The following MBOAT1 variants were observed in gnomAD, a reference collection of about 807,000 sequenced individuals.
The protein encoded by MBOAT1 is membrane-bound glycerophospholipid O-acyltransferase 1.
Under a neutral mutation model 64.4 loss-of-function variants are expected in MBOAT1, and 67 were observed. That is an observed-to-expected ratio of 1.04 (90% CI 0.85 to 1.27). The LOEUF is 1.27. Ranked by LOEUF, MBOAT1 falls within the 50% of genes most tolerant of loss-of-function variation. MBOAT1 has a pLI of 0.00. For missense variants in MBOAT1, 563 were observed against 604.6 expected (o/e 0.93, Z 0.72); for synonymous variants, 229 against 218.9 (o/e 1.05, Z -0.41).
At chr6:20,108,919 C>G (rs1481752208) in intron 12 of MBOAT1, among the ~76,000 whole-genome samples, 1 of 152,230 alleles carries the variant, frequency 6.6e-6, no homozygotes, top group African/African-American at 2.4e-5. Flanking sequence ...ACAATCAGTT[C>G]ACAAGAGCAT....
At chr6:20,155,890 TC>T (rs1761661460) in intron 1 of MBOAT1, among the ~76,000 whole-genome samples, 1 of 152,178 alleles carries the variant, frequency 6.6e-6, no homozygotes, top group Admixed American at 6.5e-5. Flanking sequence ...ATAAAAGTTT[TC>T]CCCAATCCCT....
At chr6:20,111,080 C>T (rs1561745854) in intron 11 of MBOAT1, among the ~76,000 whole-genome samples, 1 of 152,152 alleles carries the variant, frequency 6.6e-6, no homozygotes, top group South Asian at 2.1e-4. Flanking sequence ...TCCCGTTTTA[C>T]AGATAAATAA....
Position 20,212,344 on chromosome 6 carries a change from C to A in MBOAT1, c.-110G>T. ...GTTGCCCCGAGAGGCGCACGGCCGC[C>A]TGGTTCGCGGGGGAGCGAACGGGAG... On this transcript the variant is annotated 5_prime_UTR_variant, in exon 1 of 13. In the 5' UTR this introduces an upstream ATG that the reference lacks. Coordinates refer to ENST00000324607, the MANE Select transcript of MBOAT1 (RefSeq NM_001080480.3). 1 of 994,978 alleles carries A rather than the reference C, an allele frequency of 1.0e-6. No individual in the cohort carries two copies. The highest frequency in any genetic ancestry group is 1.5e-5 in the South Asian group (1 of 66,336). The allele number at this position is 994,978 out of a possible 1,614,324, so 61.6% of individuals were successfully genotyped here. A position where few individuals can be genotyped will look rare whatever the true frequency, so the allele number is the denominator to read the frequency against.
At chr6:20,138,221 T>C (rs372378989) in intron 4 of MBOAT1, among the ~76,000 whole-genome samples, 2 of 152,122 alleles carry the variant, frequency 1.3e-5, no homozygotes, top group Admixed American at 6.6e-5. Context: ...AAAGACAACA[T>C]ACCCTTCGAG....
intron 8 of MBOAT1, among the ~76,000 whole-genome samples, chr6:20,122,962 G>A (rs1760537799): frequency 6.6e-6 from 1 of 151,940 alleles, no homozygotes; most frequent in East Asian, 1.9e-4. Context: ...CTTCTGAGTA[G>A]CTGAGATTAC....
At chr6:20,103,589 G>A (rs180934871) in intron 12 of MBOAT1, among the ~76,000 whole-genome samples, 53 of 152,028 alleles carry the variant, frequency 3.5e-4, no homozygotes, top group Admixed American at 5.2e-4. Flanking sequence ...CACCACGCTC[G>A]GCCAATTTTG....
intron 3 of MBOAT1, 40 bp from the exon 4 acceptor site, chr6:20,144,355 G>T: frequency 1.7e-6 from 2 of 1,207,908 alleles, no homozygotes; most frequent in Middle Eastern, 1.9e-4. Flanking sequence ...ATTATGCATA[G>T]CAATAATGCA....
chr6:20,133,914 T>C (rs1760905717), intron 4 of MBOAT1, among the ~76,000 whole-genome samples: 2 of 152,164 alleles, frequency 1.3e-5, no homozygotes, highest in Non-Finnish European at 2.9e-5. Flanking sequence ...ACTGACACCA[T>C]GCCTCCCTCA....
At chr6:20,139,316 CG>C (rs1761097158) in intron 4 of MBOAT1, among the ~76,000 whole-genome samples, 1 of 151,966 alleles carries the variant, frequency 6.6e-6, no homozygotes, top group African/African-American at 2.4e-5. Context: ...TTTGTAGAGA[CG>C]GGGTTTCACC....
rs561014220 is a variant in MBOAT1 at position 20,194,299 on chromosome 6, A to G, written c.99+17837T>C. Among the ~76,000 whole-genome samples, 6 of 152,344 alleles carry G rather than the reference A, an allele frequency of 3.9e-5. No homozygotes were observed. In the South Asian group the frequency reaches 1.2e-3, roughly 32 times the overall value. On this transcript the variant is annotated intron_variant, in intron 1 of 12. Transcript: ENST00000324607. ...ACAGTTAATGCACCGATGGTGATATATTAACTTTATTCAGATTTCCTTAGT... is the reference window on the plus strand; with the variant it reads ...ACAGTTAATGCACCGATGGTGATATGTTAACTTTATTCAGATTTCCTTAGT...
intron 1 of MBOAT1, among the ~76,000 whole-genome samples, chr6:20,203,422 C>T (rs560586034): frequency 6.6e-6 from 1 of 152,228 alleles, no homozygotes; most frequent in South Asian, 2.1e-4. Context: ...TCACTACCAG[C>T]AAGTGAGCCA....
intron 1 of MBOAT1, among the ~76,000 whole-genome samples, chr6:20,188,777 G>T (rs1255773147): frequency 6.6e-6 from 1 of 152,072 alleles, no homozygotes; most frequent in Non-Finnish European, 1.5e-5. Context: ...TTCCATTGTG[G>T]GTATGTCTGG....
At chr6:20,161,192 T>A (rs569140043) in intron 1 of MBOAT1, among the ~76,000 whole-genome samples, 2 of 152,038 alleles carry the variant, frequency 1.3e-5, no homozygotes, top group African/African-American at 4.8e-5. Context: ...TGGTGAACCA[T>A]GCATGCCAGG....
rs1415333126 is a variant in MBOAT1 at position 20,191,552 on chromosome 6, C to T, written c.99+20584G>A. 2.0e-5 allele frequency among the ~76,000 whole-genome samples: 3 copies of T among 152,302 alleles called. No individual in the cohort carries two copies. In the East Asian group the frequency reaches 5.8e-4, roughly 29 times the overall value. ...CTAAAAGTTAACACCCAGCTTTAAG[C>T]CACTGAACACTTGGGAAAGTTATGA... On this transcript the variant is annotated intron_variant, in intron 1 of 12. Coordinates refer to ENST00000324607, the MANE Select transcript of MBOAT1 (RefSeq NM_001080480.3).
rs1760061192 is a variant in MBOAT1, at chr6:20,109,593, C to G, written c.1361+5G>C. On this transcript the variant is annotated splice_donor_5th_base_variant and intron_variant, in intron 12 of 12. Coordinates refer to ENST00000324607, the MANE Select transcript of MBOAT1 (RefSeq NM_001080480.3). ...AGATGGCAACTGAGAACAACGGAAA[C>G]TTACTTGTATAAGCTGATGGTCGGT... The G allele has an allele frequency of 1.9e-6, 3 of 1,606,074 alleles. No homozygotes were observed. The highest frequency in any genetic ancestry group is 2.6e-6 in the Non-Finnish European group (3 of 1,174,994).
chr6:20,194,462 C>G (rs186960491), intron 1 of MBOAT1, among the ~76,000 whole-genome samples: 123 of 152,232 alleles, frequency 8.1e-4, no homozygotes, highest in African/African-American at 2.9e-3. Context: ...GAGTACTGGT[C>G]AGGTATTTTG....
At chr6:20,142,899 C>A (rs763848448) in intron 4 of MBOAT1, among the ~76,000 whole-genome samples, 3 of 152,158 alleles carry the variant, frequency 2.0e-5, no homozygotes, top group Non-Finnish European at 4.4e-5. Flanking sequence ...GCATGAAAAA[C>A]CAGTCTGAGA....
chr6:20,212,056 A>G lies in MBOAT1; in HGVS notation c.99+80T>C, dbSNP rs551843912. ...TAAAATACGCCATGGAGGCGGAGGG[A>G]CGGTGGCTAACACTTTCGCCCGCCC... On this transcript the variant is annotated intron_variant, in intron 1 of 12. Transcript: ENST00000324607. The G allele has an allele frequency of 3.9e-5, 50 of 1,270,794 alleles. No individual in the cohort carries two copies. In the African/African-American group the frequency reaches 6.2e-4, roughly 16 times the overall value. The allele number at this position is 1,270,794 out of a possible 1,614,324, so 78.7% of individuals were successfully genotyped here.
chr6:20,147,631 T>A, intron 3 of MBOAT1, among the ~76,000 whole-genome samples: 1 of 145,558 alleles, frequency 6.9e-6, no homozygotes. Context: ...GAGAGCAAAC[T>A]CCGTCTCAAA....
Sources: allele counts gnomAD v4.1 joint callset (sites outside exome capture counted in the v4.1 genomes callset), GRCh38; gene constraint gnomAD v4.1.1; transcripts MANE v1.5; gene names NCBI Gene and HGNC (gene_info 2026-07-23, HGNC 2026-07-21).